The following PTH2R variants were observed in gnomAD, a reference collection of about 807,000 sequenced individuals.
The protein encoded by PTH2R is parathyroid hormone 2 receptor.
In PTH2R, 59 loss-of-function variants were observed where a neutral mutation model predicts 60.3. The ratio of observed to expected loss-of-function variants is 0.98; its 90% CI spans 0.79 to 1.22. PTH2R has a LOEUF of 1.22. PTH2R is among the 50% of genes most tolerant of loss of function. PTH2R has a pLI of 0.00. For missense variants in PTH2R, 749 were observed against 682.6 expected (o/e 1.10, Z -1.08); for synonymous variants, 256 against 243.8 (o/e 1.05, Z -0.47).
At chr2:208,360,010 C>T (rs1574799618) in exon 1 of PTH2R, 1 of 329,048 alleles carries the variant, frequency 3.0e-6, no homozygotes. Flanking sequence ...GCTCTCCAGT[C>T]CCTATCCACC....
intron 10 of PTH2R, among the ~76,000 whole-genome samples, chr2:208,485,331 A>G (rs1172354184): frequency 6.6e-6 from 1 of 152,168 alleles, no homozygotes; most frequent in Non-Finnish European, 1.5e-5. Context: ...TTGCCCTTGG[A>G]CACAGACCAC....
intron 1 of PTH2R, among the ~76,000 whole-genome samples, chr2:208,367,948 G>C (rs1302651350): frequency 6.6e-6 from 1 of 152,082 alleles, no homozygotes; most frequent in Non-Finnish European, 1.5e-5. Flanking sequence ...TACCTACTTA[G>C]GCCATAAAAT....
chr2:208,443,781 C>T (rs1054452383), intron 6 of PTH2R, among the ~76,000 whole-genome samples: 1 of 152,116 alleles, frequency 6.6e-6, no homozygotes, highest in African/African-American at 2.4e-5. Flanking sequence ...CTGCAAAATG[C>T]ACAAGATTGG....
At position 208,447,505 on chromosome 2, in the gene PTH2R, G is replaced by GT. The variant is rs779145330; in HGVS notation, c.853+2619dup. ...CAGGAGGCTGAAGCAGGAGAATGGC[G>GT]TGAACCCAGGAGGTGGAGCTTGCAG... On this transcript the variant is annotated intron_variant, in intron 7 of 12. Transcript: ENST00000272847. Among the ~76,000 whole-genome samples, 14 of 151,420 alleles carry GT rather than the reference G, an allele frequency of 9.2e-5. No homozygotes were observed. In the East Asian group the frequency reaches 1.6e-3, roughly 17 times the overall value.
At chr2:208,378,524 A>G (rs932916085) in intron 1 of PTH2R, among the ~76,000 whole-genome samples, 9 of 151,998 alleles carry the variant, frequency 5.9e-5, no homozygotes, top group Middle Eastern at 3.2e-3. Context: ...GGAAGTATGG[A>G]GCCTTTGGGA....
intron 1 of PTH2R, among the ~76,000 whole-genome samples, chr2:208,410,625 A>G (rs1364481567): frequency 6.6e-6 from 1 of 152,248 alleles, no homozygotes. Flanking sequence ...TGCACAAATC[A>G]GCATGGACAA....
intron 7 of PTH2R, among the ~76,000 whole-genome samples, chr2:208,449,083 A>G (rs1359831713): frequency 1.3e-5 from 2 of 152,186 alleles, no homozygotes; most frequent in Non-Finnish European, 2.9e-5. Flanking sequence ...GAATGATAAG[A>G]TGTGAAAATT....
At chr2:208,437,930 A>G (rs2105865873) in intron 4 of PTH2R, 49 bp downstream of exon 4, 2 of 1,580,308 alleles carry the variant, frequency 1.3e-6, no homozygotes, top group Non-Finnish European at 1.7e-6. Flanking sequence ...GCAGAATAAT[A>G]TTTTAATGCA....
intron 1 of PTH2R, among the ~76,000 whole-genome samples, chr2:208,383,079 A>G (rs968284266): frequency 1.3e-5 from 2 of 152,226 alleles, no homozygotes; most frequent in African/African-American, 2.4e-5. Flanking sequence ...CAATCCCTCA[A>G]TTTCTATACT....
intron 1 of PTH2R, among the ~76,000 whole-genome samples, chr2:208,412,289 G>C (rs1390286770): frequency 6.6e-6 from 1 of 152,172 alleles, no homozygotes; most frequent in East Asian, 1.9e-4. Flanking sequence ...TCCCAGGATC[G>C]CACAGCTGTG....
intron 2 of PTH2R, among the ~76,000 whole-genome samples, chr2:208,437,184 T>C (rs1219573934): frequency 6.6e-6 from 1 of 152,210 alleles, no homozygotes; most frequent in African/African-American, 2.4e-5. Context: ...AGTGTAAAAA[T>C]GTAGTTACAA....
At chr2:208,450,182 A>T (rs1702375223) in intron 7 of PTH2R, among the ~76,000 whole-genome samples, 1 of 152,226 alleles carries the variant, frequency 6.6e-6, no homozygotes, top group African/African-American at 2.4e-5. Context: ...CATCAGACAA[A>T]TATAGTGGTC....
intron 1 of PTH2R, among the ~76,000 whole-genome samples, chr2:208,421,817 C>G (rs1701762053): frequency 6.6e-6 from 1 of 152,168 alleles, no homozygotes; most frequent in Non-Finnish European, 1.5e-5. Flanking sequence ...TTGGCCCATT[C>G]ACACTGGAGT....
intron 9 of PTH2R, among the ~76,000 whole-genome samples, chr2:208,460,482 A>G (rs1366056404): frequency 6.6e-6 from 1 of 152,198 alleles, no homozygotes; most frequent in Non-Finnish European, 1.5e-5. Flanking sequence ...TCTAATAGGT[A>G]TTAGATAGAA....
At chr2:208,385,170 A>G (rs996717219) in intron 1 of PTH2R, among the ~76,000 whole-genome samples, 1 of 152,048 alleles carries the variant, frequency 6.6e-6, no homozygotes, top group African/African-American at 2.4e-5. Context: ...TTTAAAATAT[A>G]CAGGGAAATG....
intron 1 of PTH2R, among the ~76,000 whole-genome samples, chr2:208,382,257 A>G (rs6435462): frequency 0.042 from 6,415 of 152,160 alleles, 471 homozygotes; most frequent in African/African-American, 0.15. Context: ...GTTTTTAGCT[A>G]TTCTATGAGC....
intron 1 of PTH2R, among the ~76,000 whole-genome samples, chr2:208,418,830 A>G (rs1470822512): frequency 6.6e-6 from 1 of 152,200 alleles, no homozygotes; most frequent in Non-Finnish European, 1.5e-5. Flanking sequence ...ATGTTAGGTC[A>G]TAGAGTTTTC....
At chr2:208,390,057 AT>A (rs1701078742) in intron 1 of PTH2R, among the ~76,000 whole-genome samples, 1 of 152,192 alleles carries the variant, frequency 6.6e-6, no homozygotes, top group South Asian at 2.1e-4. Flanking sequence ...AGGAGAGGCG[AT>A]TCTGAAAGCC....
intron 9 of PTH2R, among the ~76,000 whole-genome samples, chr2:208,461,696 T>G (rs772439446): frequency 3.9e-5 from 6 of 152,160 alleles, no homozygotes; most frequent in Non-Finnish European, 8.8e-5. Flanking sequence ...CAAAGGACAG[T>G]GGAGAAAAGG....
Sources: allele counts gnomAD v4.1 joint callset (sites outside exome capture counted in the v4.1 genomes callset), GRCh38; gene constraint gnomAD v4.1.1; transcripts MANE v1.5; gene names NCBI Gene and HGNC (gene_info 2026-07-23, HGNC 2026-07-21).